SHISA9: variants seen among roughly 807,000 people sequenced by gnomAD.
The protein encoded by SHISA9 is protein shisa-9.
Under a neutral mutation model 38.0 loss-of-function variants are expected in SHISA9, and 13 were observed. The observed-to-expected ratio is 0.34, with a 90% CI of 0.22 to 0.54. The LOEUF is 0.54. Among genes scored for constraint, SHISA9 ranks in the 20% least tolerant of loss-of-function variants. SHISA9 has a pLI of 0.91. For synonymous variants in SHISA9, 275 were observed against 242.0 expected (o/e 1.14, Z -1.27); for missense variants, 538 against 575.8 (o/e 0.93, Z 0.67).
At chr16:13,086,796 T>G (rs975013685) in intron 2 of SHISA9, among the ~76,000 whole-genome samples, 1 of 152,190 alleles carries the variant, frequency 6.6e-6, no homozygotes, top group African/African-American at 2.4e-5. Flanking sequence ...ATTTTGTTTT[T>G]CTAAGAACCA....
intron 2 of SHISA9, among the ~76,000 whole-genome samples, chr16:12,978,886 G>A (rs1359143633): frequency 2.0e-5 from 3 of 152,196 alleles, no homozygotes; most frequent in Admixed American, 6.5e-5. Context: ...TAGATGGTTA[G>A]TATGTATGTG....
intron 2 of SHISA9, among the ~76,000 whole-genome samples, chr16:13,049,422 C>A (rs2073225851): frequency 6.6e-6 from 1 of 152,186 alleles, no homozygotes; most frequent in Non-Finnish European, 1.5e-5. Flanking sequence ...TGCTCCCTTG[C>A]AACTTTCACT....
At chr16:12,955,279 G>A (rs2071814334) in intron 2 of SHISA9, among the ~76,000 whole-genome samples, 1 of 152,034 alleles carries the variant, frequency 6.6e-6, no homozygotes, top group Non-Finnish European at 1.5e-5. Flanking sequence ...AATGGCCATT[G>A]CTTCCTCATT....
At chr16:13,475,559 T>C in the SHISA9 span, among the ~76,000 whole-genome samples, 1 of 152,088 alleles carries the variant, frequency 6.6e-6, no homozygotes, top group East Asian at 1.9e-4. Context: ...CATAGACCAA[T>C]AGTCCCCAAC....
the SHISA9 span, among the ~76,000 whole-genome samples, chr16:13,517,973 A>C: frequency 6.6e-6 from 1 of 152,136 alleles, no homozygotes; most frequent in South Asian, 2.1e-4. Flanking sequence ...TCTGGTCTCC[A>C]TGGCAATGCC....
chr16:13,520,603 CAAAAAA>C, the SHISA9 span, among the ~76,000 whole-genome samples: 2 of 56,230 alleles, frequency 3.6e-5, no homozygotes, highest in African/African-American at 1.5e-4. Flanking sequence ...AACTCTGTCT[CAAAAAA>C]AAAAAAAAAA....
chr16:13,223,995 A>G (rs2051254899), intron 4 of SHISA9, among the ~76,000 whole-genome samples: 1 of 152,202 alleles, frequency 6.6e-6, no homozygotes, highest in South Asian at 2.1e-4. Flanking sequence ...TGTTGGATAA[A>G]CAGCCAAAGC....
At chr16:13,209,632 T>C (rs1210669595) in intron 3 of SHISA9, among the ~76,000 whole-genome samples, 1 of 152,220 alleles carries the variant, frequency 6.6e-6, no homozygotes, top group Non-Finnish European at 1.5e-5. Context: ...TTTAAACATT[T>C]CCCACCAATG....
the SHISA9 span, among the ~76,000 whole-genome samples, chr16:13,307,009 C>T: frequency 6.6e-6 from 1 of 152,096 alleles, no homozygotes; most frequent in South Asian, 2.1e-4. Context: ...TATTCTATTT[C>T]ATTTAAAATG....
chr16:13,275,153 T>C, the SHISA9 span, among the ~76,000 whole-genome samples: 2 of 152,142 alleles, frequency 1.3e-5, no homozygotes, highest in South Asian at 4.1e-4. Context: ...GTGTGGTAAC[T>C]GATGAGTTAG....
chr16:13,078,535 A>G (rs1456140876), intron 2 of SHISA9, among the ~76,000 whole-genome samples: 1 of 152,022 alleles, frequency 6.6e-6, no homozygotes, highest in Non-Finnish European at 1.5e-5. Context: ...CCACTGGAGT[A>G]GCTGGGATTA....
At chr16:13,167,072 CTTTTTTT>C (rs11372669) in intron 2 of SHISA9, among the ~76,000 whole-genome samples, 3 of 124,430 alleles carry the variant, frequency 2.4e-5, no homozygotes, top group South Asian at 2.5e-4. Context: ...TCTCTTTTTT[CTTTTTTT>C]TTTTTTTTTT....
At chr16:13,520,603 CA>C in the SHISA9 span, among the ~76,000 whole-genome samples, 1,707 of 56,222 alleles carry the variant, frequency 0.03, 11 homozygotes, top group Middle Eastern at 0.048. Flanking sequence ...AACTCTGTCT[CA>C]AAAAAAAAAA....
the SHISA9 span, among the ~76,000 whole-genome samples, chr16:13,449,263 G>A: frequency 2.6e-5 from 4 of 152,250 alleles, no homozygotes; most frequent in Non-Finnish European, 4.4e-5. Flanking sequence ...AGACCAAAAT[G>A]TTCAAGGAAT....
At chr16:12,979,865 C>T (rs985011334) in intron 2 of SHISA9, among the ~76,000 whole-genome samples, 1 of 152,196 alleles carries the variant, frequency 6.6e-6, no homozygotes, top group Non-Finnish European at 1.5e-5. Context: ...CATGCTCTCC[C>T]ATCCCTTTTT....
chr16:13,252,129 A>C, the SHISA9 span, among the ~76,000 whole-genome samples: 2 of 152,182 alleles, frequency 1.3e-5, no homozygotes, highest in African/African-American at 4.8e-5. Flanking sequence ...AACAAGCCCA[A>C]AAGACCTTCC....
At chr16:13,264,650 A>G in the SHISA9 span, among the ~76,000 whole-genome samples, 3 of 152,034 alleles carry the variant, frequency 2.0e-5, no homozygotes, top group Non-Finnish European at 4.4e-5. Context: ...TCTAGTCTTG[A>G]GTTGATTTTT....
chr16:13,460,853 C>T, the SHISA9 span, among the ~76,000 whole-genome samples: 12 of 152,150 alleles, frequency 7.9e-5, no homozygotes, highest in Admixed American at 7.9e-4. Flanking sequence ...GCAAATCCTG[C>T]CCCACATTCA....
At chr16:12,972,441 T>C (rs958058921) in intron 2 of SHISA9, among the ~76,000 whole-genome samples, 2 of 152,094 alleles carry the variant, frequency 1.3e-5, no homozygotes, top group Non-Finnish European at 2.9e-5. Flanking sequence ...TGAGCAAGGA[T>C]GAGAGTGATA....
Sources: allele counts gnomAD v4.1 joint callset (sites outside exome capture counted in the v4.1 genomes callset), GRCh38; gene constraint gnomAD v4.1.1; transcripts MANE v1.5; gene names NCBI Gene and HGNC (gene_info 2026-07-23, HGNC 2026-07-21).